EP400: variants seen among roughly 807,000 people sequenced by gnomAD.
EP400 encodes E1A binding protein p400.
In EP400, 105 loss-of-function variants were observed where a neutral mutation model predicts 354.1. That is an observed-to-expected ratio of 0.30 (90% CI 0.25 to 0.35). The LOEUF is 0.35. Among genes scored for constraint, EP400 ranks in the 10% least tolerant of loss-of-function variants. EP400 has a pLI of 1.00. For synonymous variants in EP400, 1,646 were observed against 1,716.9 expected (o/e 0.96, Z 1.02); for missense variants, 3,280 against 4,121.0 (o/e 0.80, Z 5.59).
In EP400 at chr12:132,013,095, C is replaced by T; in HGVS notation, c.3528C>T (p.Arg1176=). The stretch of plus-strand genomic sequence containing the variant: ...GCCTCACCGCCTTCACACGAGTGCG[C>T]TGGAAGTGCCTGGTCATTGATGAGA... ...FRGLTAFTRV[R]WKCLVIDEMQ... is the part of the protein sequence containing the mutation. Residue 1176 remains arginine, a synonymous_variant, in exon 17 of 53, where the codon CGC becomes CGT. Transcript: ENST00000389561. This position sits in a 1 kb window ranked among gnomAD's most constrained non-coding sequence, Gnocchi z 4.5. The T allele has an allele frequency of 6.2e-7, 1 of 1,614,130 alleles. No individual in the cohort carries two copies. Among genetic ancestry groups the T allele is most frequent in the African/African-American group, 1.3e-5 (1 of 75,046 alleles).
chr12:131,998,720 TTGTATACAGTCTTG>T (rs1893299594), intron 12 of EP400, among the ~76,000 whole-genome samples: 2 of 62,304 alleles, frequency 3.2e-5, no homozygotes, highest in Non-Finnish European at 6.1e-5. Flanking sequence ...TACAAAGACT[TTGTATACAGTCTTG>T]TATACAAAGA....
chr12:132,051,771 C>T (rs1236508286), intron 41 of EP400, among the ~76,000 whole-genome samples: 1 of 152,038 alleles, frequency 6.6e-6, no homozygotes, highest in Non-Finnish European at 1.5e-5. Context: ...TCAGGCCCTC[C>T]ACAAGAGGTG....
intron 6 of EP400, 32 bp from the exon 7 acceptor site, chr12:131,987,673 C>A: frequency 6.5e-7 from 1 of 1,527,570 alleles, no homozygotes; most frequent in Non-Finnish European, 8.8e-7. Flanking sequence ...CATCACATGC[C>A]GACCCCACCA....
chr12:132,006,444 C>T, intron 14 of EP400, 142 bp downstream of exon 14: 3 of 1,087,706 alleles, frequency 2.8e-6, no homozygotes, highest in East Asian at 2.6e-5. Context: ...TCTTCATGTG[C>T]CTGTAGTCCC....
intron 2 of EP400, among the ~76,000 whole-genome samples, chr12:131,963,053 C>T (rs1017770680): frequency 6.6e-6 from 1 of 152,172 alleles, no homozygotes; most frequent in Non-Finnish European, 1.5e-5. Context: ...CCTCTATTGT[C>T]CTGAAATAGT....
intron 2 of EP400, among the ~76,000 whole-genome samples, chr12:131,967,150 G>T (rs35977219): frequency 0.039 from 5,850 of 150,542 alleles, 157 homozygotes; most frequent in Non-Finnish European, 0.062. Flanking sequence ...GAGGCCGAAG[G>T]GGGGCGGATC....
At chr12:132,069,677 G>C in intron 51 of EP400, 36 bp downstream of exon 51, 1 of 1,610,490 alleles carries the variant, frequency 6.2e-7, no homozygotes, top group Non-Finnish European at 8.5e-7. Context: ...CGAGTGTCAG[G>C]AGTGGGTGCC....
At chr12:132,056,491 G>C (rs148321460) in intron 45 of EP400, among the ~76,000 whole-genome samples, 2 of 152,224 alleles carry the variant, frequency 1.3e-5, no homozygotes, top group East Asian at 3.9e-4. Context: ...ATTCAGTGGT[G>C]AACAGACTGT....
intron 48 of EP400, chr12:132,066,238 G>A (rs550630689): frequency 1.9e-5 from 3 of 154,362 alleles, no homozygotes; most frequent in Admixed American, 6.5e-5. Context: ...GATATGAGTA[G>A]TTTGAGGAGT....
At chr12:131,968,838 A>T (rs1418783556) in intron 2 of EP400, among the ~76,000 whole-genome samples, 2 of 152,170 alleles carry the variant, frequency 1.3e-5, no homozygotes, top group Non-Finnish European at 2.9e-5. Context: ...AGTAGTACTT[A>T]AAAAAATTTC....
Position 132,020,043 on chromosome 12 carries a change from A to G in EP400, c.4278-6A>G, listed in dbSNP as rs111317377. 10 of 1,528,184 alleles carry G rather than the reference A, an allele frequency of 6.5e-6. No individual in the cohort carries two copies. The highest frequency in any genetic ancestry group is 2.8e-5 in the African/African-American group (2 of 71,300). The allele number at this position is 1,528,184 out of a possible 1,614,324, so 94.7% of individuals were successfully genotyped here. A position where few individuals can be genotyped will look rare whatever the true frequency, so the allele number is the denominator to read the frequency against. On this transcript the variant is annotated splice_region_variant and splice_polypyrimidine_tract_variant and intron_variant, in intron 21 of 52. Coordinates refer to ENST00000389561, the MANE Select transcript of EP400 (RefSeq NM_015409.5). ...TATCTTCTTGCCTGGACCAATGGGC[A>G]TCTAGGTTGTTTCAGCCTGTGCAGT...
intron 30 of EP400, among the ~76,000 whole-genome samples, chr12:132,036,264 C>T (rs561975604): frequency 4.9e-5 from 7 of 141,606 alleles, no homozygotes; most frequent in African/African-American, 8.0e-5. Context: ...CACGGAACGT[C>T]GTGGGAAGGA....
At chr12:132,049,592 T>A (rs895702438) in intron 39 of EP400, among the ~76,000 whole-genome samples, 4 of 152,138 alleles carry the variant, frequency 2.6e-5, no homozygotes, top group African/African-American at 9.7e-5. Context: ...CTTGGCACAC[T>A]CTCTTTGACC....
chr12:132,077,701 A>G lies in EP400; in HGVS notation c.*28A>G. On this transcript the variant is annotated 3_prime_UTR_variant, in exon 53 of 53. Coordinates refer to ENST00000389561, the MANE Select transcript of EP400 (RefSeq NM_015409.5). ...AGGGCAGCAGGGCTGCCTCTCATCT[A>G]AAGCAAAACTACCTTCCTCACAGAA... is the stretch of plus-strand genomic sequence containing the variant. 1 of 1,550,342 alleles carries G rather than the reference A, an allele frequency of 6.5e-7. No individual in the cohort carries two copies. The highest frequency in any genetic ancestry group is 8.7e-7 in the Non-Finnish European group (1 of 1,151,356).
rs113713452 is a variant in EP400 at position 132,067,585 on chromosome 12, T to C, written c.8874+99T>C. The C allele has an allele frequency of 0.013, 19,298 of 1,496,688 alleles. 586 individuals carry two copies. Among genetic ancestry groups the C allele is most frequent in the African/African-American group, 0.1 (7,441 of 72,096 alleles). The allele number at this position is 1,496,688 out of a possible 1,614,324, so 92.7% of individuals were successfully genotyped here. A position where few individuals can be genotyped will look rare whatever the true frequency, so the allele number is the denominator to read the frequency against. On this transcript the variant is annotated intron_variant, in intron 50 of 52. Coordinates refer to ENST00000389561, the MANE Select transcript of EP400 (RefSeq NM_015409.5). This position sits in a 1 kb window ranked among gnomAD's most constrained non-coding sequence, Gnocchi z 5.3. ...AGCAGACAAATCCCCATGTGGCGGC[T>C]CACGCTTTTCAGAGGGTGGCTTCAA...
intron 37 of EP400, 84 bp from the exon 38 acceptor site, chr12:132,045,235 G>A: frequency 1.3e-6 from 2 of 1,565,378 alleles, no homozygotes; most frequent in African/African-American, 1.4e-5. Context: ...CTCCAGACTT[G>A]CCTGACCTGT....
chr12:132,025,016 C>T lies in EP400; in HGVS notation c.4856-630C>T, dbSNP rs942929763. On this transcript the variant is annotated intron_variant, in intron 24 of 52. Transcript: ENST00000389561. The surrounding 1 kb of genome is among the most constrained non-coding windows in gnomAD (Gnocchi z 4.1). ...CACACACGTCTCAGCAGAACAAGGCCTGCCACAGAGAAACGATTCAGTCTG... is the reference window on the plus strand; with the variant it reads ...CACACACGTCTCAGCAGAACAAGGCTTGCCACAGAGAAACGATTCAGTCTG... Among the ~76,000 whole-genome samples the T allele has an allele frequency of 6.6e-6, 1 of 152,102 alleles. No individual in the cohort carries two copies. The highest frequency in any genetic ancestry group is 1.5e-5 in the Non-Finnish European group (1 of 68,026).
chr12:131,986,740 G>T lies in EP400; in HGVS notation c.2156G>T (p.Ser719Ile), dbSNP rs759623649. 1 of 1,614,086 alleles carries T rather than the reference G, an allele frequency of 6.2e-7. No homozygotes were observed. The highest frequency in any genetic ancestry group is 1.3e-5 in the African/African-American group (1 of 74,932). Reference sequence around the variant, plus strand: ...GCATCTGCCCCCACCAAACCACAGAGTCCTGCTCAGAATGCCACCTCGTCC... The same window carrying T: ...GCATCTGCCCCCACCAAACCACAGATTCCTGCTCAGAATGCCACCTCGTCC... ...VVASAPTKPQSPAQNATSSQD... is the reference protein window; with the variant it reads ...VVASAPTKPQIPAQNATSSQD... The change falls in exon 6 of 53, where the codon AGT becomes ATT. Residue 719 changes from serine (S) to isoleucine (I), a missense_variant. This residue lies in a region of EP400 where 800 missense variants were observed against 840.0 expected (regional missense o/e 0.95). Transcript: ENST00000389561.
Position 131,987,820 on chromosome 12 carries a change from T to G in EP400, c.2339T>G (p.Leu780Arg), listed in dbSNP as rs757194941. 6 of 1,613,624 alleles carry G rather than the reference T, an allele frequency of 3.7e-6. No homozygotes were observed. In the South Asian group the frequency reaches 6.6e-5, roughly 18 times the overall value. Residue 780 changes from leucine to arginine, a missense_variant, in exon 7 of 53, where the codon CTG (leucine) becomes CGG (arginine). Coordinates refer to ENST00000389561, the MANE Select transcript of EP400 (RefSeq NM_015409.5). Reference protein sequence around the residue: ...PRPKSHWDYLLEEMQWMATDF... With the variant: ...PRPKSHWDYLREEMQWMATDF... ...CCCAAGTCCCACTGGGACTATCTGC[T>G]GGAGGAGATGCAGTGGATGGCCACA...
Sources: allele counts gnomAD v4.1 joint callset (sites outside exome capture counted in the v4.1 genomes callset), GRCh38; gene constraint gnomAD v4.1.1; regional missense constraint gnomAD v4.1.1; non-coding constraint Gnocchi (gnomAD v3.1); transcripts MANE v1.5; gene names NCBI Gene and HGNC (gene_info 2026-07-23, HGNC 2026-07-21).